Variants in DPP10 observed in about 807,000 individuals in gnomAD.
The protein encoded by DPP10 is dipeptidyl peptidase like 10, also known as inactive dipeptidyl peptidase 10.
DPP10 carries 33 observed loss-of-function variants against 120.9 expected under a neutral mutation model. The ratio of observed to expected loss-of-function variants is 0.27; its 90% CI spans 0.21 to 0.37. DPP10 has a LOEUF of 0.37. Among genes scored for constraint, DPP10 ranks in the 10% least tolerant of loss-of-function variants. The pLI is 1.00. For missense variants in DPP10, 816 were observed against 942.8 expected (o/e 0.87, Z 1.76); for synonymous variants, 337 against 326.1 (o/e 1.03, Z -0.36).
intron 1 of DPP10, among the ~76,000 whole-genome samples, chr2:114,605,145 T>A (rs1692684856): frequency 6.6e-6 from 1 of 152,134 alleles, no homozygotes; most frequent in African/African-American, 2.4e-5. Flanking sequence ...TGGTCATTGC[T>A]ATGGATTGAT....
chr2:115,588,905 G>T (rs2082455361), intron 5 of DPP10, among the ~76,000 whole-genome samples: 1 of 152,162 alleles, frequency 6.6e-6, no homozygotes, highest in African/African-American at 2.4e-5. Context: ...GGTATGCCTA[G>T]ACCATAAGAA....
intron 2 of DPP10, among the ~76,000 whole-genome samples, chr2:115,323,228 T>C (rs79615236): frequency 0.039 from 6,015 of 152,290 alleles, 264 homozygotes; most frequent in African/African-American, 0.11. Context: ...GTTTACAGCA[T>C]GTTAGCTAGG....
chr2:114,752,884 C>T (rs116431549), intron 1 of DPP10, among the ~76,000 whole-genome samples: 2,601 of 152,274 alleles, frequency 0.017, 70 homozygotes, highest in African/African-American at 0.059. Flanking sequence ...ATGGTATAGG[C>T]AGAGATTGTC....
chr2:115,253,007 G>C (rs1477560693), intron 1 of DPP10, among the ~76,000 whole-genome samples: 1 of 152,254 alleles, frequency 6.6e-6, no homozygotes, highest in South Asian at 2.1e-4. Context: ...TCTGAGACTG[G>C]GTAATTTATG....
chr2:115,824,543 C>T (rs1265035242), intron 21 of DPP10, among the ~76,000 whole-genome samples: 2 of 152,094 alleles, frequency 1.3e-5, no homozygotes, highest in Non-Finnish European at 2.9e-5. Context: ...CATTGTTCAG[C>T]TCCCACTTAT....
At chr2:115,311,244 G>A (rs1261363753) in intron 2 of DPP10, among the ~76,000 whole-genome samples, 4 of 152,130 alleles carry the variant, frequency 2.6e-5, no homozygotes, top group Non-Finnish European at 5.9e-5. Flanking sequence ...TGCATGATGG[G>A]TATAATATTT....
At chr2:115,713,805 A>G (rs1431500983) in intron 7 of DPP10, among the ~76,000 whole-genome samples, 4 of 152,088 alleles carry the variant, frequency 2.6e-5, no homozygotes, top group Admixed American at 2.0e-4. Context: ...AGGAATTTCA[A>G]GTCTCTTCAG....
At chr2:114,509,937 TA>T (rs908521565) in intron 1 of DPP10, among the ~76,000 whole-genome samples, 2 of 152,328 alleles carry the variant, frequency 1.3e-5, no homozygotes, top group South Asian at 2.1e-4. Context: ...CACATGACTT[TA>T]AAAAAATGTA....
chr2:114,596,810 A>G (rs1691946742), intron 1 of DPP10, among the ~76,000 whole-genome samples: 1 of 152,042 alleles, frequency 6.6e-6, no homozygotes, highest in African/African-American at 2.4e-5. Context: ...CCAAACTACC[A>G]ATCTGGGCCT....
intron 1 of DPP10, among the ~76,000 whole-genome samples, chr2:114,472,569 A>T (rs1680010168): frequency 6.6e-6 from 1 of 152,080 alleles, no homozygotes; most frequent in Non-Finnish European, 1.5e-5. Context: ...AACTGTTCTC[A>T]CCTTCGATGC....
intron 5 of DPP10, among the ~76,000 whole-genome samples, chr2:115,607,945 T>C (rs915733544): frequency 6.6e-6 from 1 of 152,162 alleles, no homozygotes; most frequent in African/African-American, 2.4e-5. Flanking sequence ...GTTGTAACTA[T>C]TCTAAAGTTT....
At chr2:114,470,368 C>A (rs998459733) in intron 1 of DPP10, among the ~76,000 whole-genome samples, 8 of 152,114 alleles carry the variant, frequency 5.3e-5, no homozygotes, top group Non-Finnish European at 1.2e-4. Flanking sequence ...GAATTGTGTT[C>A]TTTTTGGCCA....
Position 115,157,837 on chromosome 2 carries a change from T to C in DPP10, c.61-151402T>C, listed in dbSNP as rs183826833. 1.1e-4 allele frequency among the ~76,000 whole-genome samples: 16 copies of C among 152,314 alleles called. No homozygotes were observed. The East Asian group carries it at 1.4e-3, about 13-fold the overall frequency. On this transcript the variant is annotated intron_variant, in intron 1 of 25. Transcript: ENST00000410059. Reference sequence around the variant, plus strand: ...TGTCTTCTTGATGCTGTGCTCATTATAGACACTCAACAGAGGACTGGCTAA... The same window carrying C: ...TGTCTTCTTGATGCTGTGCTCATTACAGACACTCAACAGAGGACTGGCTAA...
intron 5 of DPP10, among the ~76,000 whole-genome samples, chr2:115,638,643 A>G (rs1052891332): frequency 3.3e-5 from 5 of 152,368 alleles, no homozygotes; most frequent in African/African-American, 1.2e-4. Flanking sequence ...TAGGCCATCA[A>G]GAAATAAAAT....
chr2:115,815,877 A>G (rs1575869591), intron 21 of DPP10, 148 bp downstream of exon 21: 1 of 776,100 alleles, frequency 1.3e-6, no homozygotes. Flanking sequence ...ACCTCACTGT[A>G]GCAAGATTTG....
At chr2:114,722,691 G>T (rs1701775471) in intron 1 of DPP10, among the ~76,000 whole-genome samples, 1 of 149,298 alleles carries the variant, frequency 6.7e-6, no homozygotes. Context: ...CAGGAGAATG[G>T]CATGAACCTG....
At chr2:115,627,657 C>T (rs982215657) in intron 5 of DPP10, among the ~76,000 whole-genome samples, 4 of 152,056 alleles carry the variant, frequency 2.6e-5, no homozygotes, top group Non-Finnish European at 5.9e-5. Context: ...TAAGAATTAG[C>T]TGTTTGTCTT....
intron 3 of DPP10, among the ~76,000 whole-genome samples, chr2:115,469,823 G>C (rs138607776): frequency 6.7e-6 from 1 of 149,388 alleles, no homozygotes; most frequent in African/African-American, 2.5e-5. Context: ...ACTTGAATCC[G>C]GGAGGTGGAG....
At chr2:114,762,033 T>C (rs1215425148) in intron 1 of DPP10, among the ~76,000 whole-genome samples, 1 of 152,080 alleles carries the variant, frequency 6.6e-6, no homozygotes, top group Non-Finnish European at 1.5e-5. Context: ...CATTTGAAGA[T>C]TCACTCTCCC....
Sources: gnomAD v4.1 joint callset for allele counts (sites outside exome capture counted in the v4.1 genomes callset) on GRCh38, gnomAD v4.1.1 for gene constraint, MANE v1.5 for transcripts, NCBI Gene and HGNC (gene_info 2026-07-23, HGNC 2026-07-21) for gene names.